Variants in TTC39C observed in about 807,000 individuals in gnomAD.
TTC39C encodes tetratricopeptide repeat protein 39C.
A neutral mutation model predicts 76.3 loss-of-function variants in TTC39C; 33 were observed. The observed-to-expected ratio is 0.43, with a 90% CI of 0.33 to 0.58. The LOEUF (loss-of-function observed/expected upper bound fraction) is 0.58. Ranked by LOEUF, TTC39C falls within the 20% of genes least tolerant of loss-of-function variation. TTC39C has a pLI of 0.04. For missense variants in TTC39C, 595 were observed against 701.4 expected (o/e 0.85, Z 1.71); for synonymous variants, 254 against 260.6 (o/e 0.97, Z 0.24).
intron 1 of TTC39C, among the ~76,000 whole-genome samples, chr18:24,063,445 A>G (rs1475658614): frequency 6.6e-6 from 1 of 151,470 alleles, no homozygotes; most frequent in Non-Finnish European, 1.5e-5. Flanking sequence ...ACTGTAGAAG[A>G]TTATTTTAAA....
chr18:24,038,082 A>G (rs1036036552), intron 1 of TTC39C, among the ~76,000 whole-genome samples: 1 of 151,962 alleles, frequency 6.6e-6, no homozygotes, highest in Non-Finnish European at 1.5e-5. Context: ...ATAATTCAAA[A>G]CCAAATTCTG....
intron 6 of TTC39C, among the ~76,000 whole-genome samples, chr18:24,093,818 A>G (rs1003069249): frequency 1.3e-5 from 2 of 152,170 alleles, no homozygotes; most frequent in African/African-American, 4.8e-5. Flanking sequence ...CAATCATCTG[A>G]GCCTTCAGCA....
intron 2 of TTC39C, among the ~76,000 whole-genome samples, chr18:24,064,963 G>A (rs1194472154): frequency 6.6e-6 from 1 of 152,206 alleles, no homozygotes; most frequent in Non-Finnish European, 1.5e-5. Flanking sequence ...AACGGCTATT[G>A]TTTGAAAGAA....
chr18:24,056,511 T>C (rs1326546445), intron 1 of TTC39C, among the ~76,000 whole-genome samples: 1 of 152,216 alleles, frequency 6.6e-6, no homozygotes, highest in East Asian at 1.9e-4. Context: ...TAGTGATGCC[T>C]GCTTACCTGA....
chr18:24,035,140 A>C (rs1031920936), intron 1 of TTC39C, among the ~76,000 whole-genome samples: 3 of 152,092 alleles, frequency 2.0e-5, no homozygotes, highest in Admixed American at 1.3e-4. Context: ...TTGTTGGCTC[A>C]AGTGATCCTC....
chr18:24,067,345 A>G (rs1269735564), intron 3 of TTC39C, among the ~76,000 whole-genome samples: 1 of 152,162 alleles, frequency 6.6e-6, no homozygotes, highest in Non-Finnish European at 1.5e-5. Context: ...ACACTATCCC[A>G]CTTGTCTAAG....
In TTC39C at chr18:24,133,331, T is replaced by C. The variant is rs1464834860; in HGVS notation, c.*757T>C. 2.0e-5 allele frequency: 3 copies of C among 152,230 alleles called. No individual in the cohort carries two copies. Among genetic ancestry groups the C allele is most frequent in the Admixed American group, 2.0e-4 (3 of 15,278 alleles). 9.4% of individuals were successfully genotyped at this position (152,230 alleles called of 1,614,324 possible). On this transcript the variant is annotated 3_prime_UTR_variant, in exon 14 of 14. Transcript: ENST00000317571. ...TTGTCTACAGAATGTTTCAAAGCGA[T>C]GGACACTCTTTTTCCTTTGAAAGCC...
chr18:24,113,857 G>C, intron 6 of TTC39C: 1 of 598,304 alleles, frequency 1.7e-6, no homozygotes, highest in South Asian at 1.9e-5. Flanking sequence ...AGTTTGCTGG[G>C]TCCCAGACAG....
chr18:24,097,261 A>C (rs962295174), intron 6 of TTC39C, among the ~76,000 whole-genome samples: 4 of 152,332 alleles, frequency 2.6e-5, no homozygotes. Context: ...TCCCAAAAAA[A>C]CTGTTGCCAT....
Position 24,008,316 on chromosome 18 carries a change from T to C in TTC39C, c.-17+15278T>C, listed in dbSNP as rs1189100743. Among the ~76,000 whole-genome samples the C allele has an allele frequency of 2.6e-5, 4 of 152,234 alleles. No homozygotes were observed. The East Asian group carries it at 7.7e-4, about 29-fold the overall frequency. ...ATACTGCTGCTGCTTCCACCCAAAATAGATTCATATACTTTGTTAGATGAA... is the reference window on the plus strand; with the variant it reads ...ATACTGCTGCTGCTTCCACCCAAAACAGATTCATATACTTTGTTAGATGAA... On this transcript the variant is annotated intron_variant, in intron 1 of 13. Coordinates refer to the TTC39C transcript ENST00000304621.
At position 24,046,213 on chromosome 18, in the gene TTC39C, C is replaced by G. The variant is rs550612428; in HGVS notation, c.168-17927C>G. Among the ~76,000 whole-genome samples, 7 of 152,066 alleles carry G rather than the reference C, an allele frequency of 4.6e-5. No individual in the cohort carries two copies. The South Asian group carries it at 1.5e-3, about 32-fold the overall frequency. On this transcript the variant is annotated intron_variant, in intron 1 of 13. Coordinates refer to ENST00000317571, the MANE Select transcript of TTC39C (RefSeq NM_001135993.2). ...TTGGCCTCCCAAAGTGCTGGGATTACAGGCATGAGCCACCGTGCCCAGCCT... is the reference window on the plus strand; with the variant it reads ...TTGGCCTCCCAAAGTGCTGGGATTAGAGGCATGAGCCACCGTGCCCAGCCT...
chr18:24,111,057 C>G (rs983643001), intron 6 of TTC39C, among the ~76,000 whole-genome samples: 9 of 151,254 alleles, frequency 6.0e-5, no homozygotes, highest in Admixed American at 6.6e-5. Flanking sequence ...GTGGCACGAT[C>G]TTGGCTCACT....
rs1309717316 is a variant in TTC39C, at chr18:24,045,917, ATATATATATATTTTTTTT to A, written c.168-18221_168-18204del. ...AATATATATATATATATATATATAT[ATATATATATATTTTTTTT>A]TTTTTTTTTTTTTTTTTTTTTGAGA... On this transcript the variant is annotated intron_variant, in intron 1 of 13. Coordinates refer to ENST00000317571, the MANE Select transcript of TTC39C (RefSeq NM_001135993.2). 1.0e-3 allele frequency among the ~76,000 whole-genome samples: 27 copies of A among 26,786 alleles called. 1 individual carries two copies. The South Asian group carries it at 0.038, about 38-fold the overall frequency. 17.6% of individuals were successfully genotyped at this position (26,786 alleles called of 152,430 possible).
chr18:24,100,024 C>G (rs1385014271), intron 6 of TTC39C, among the ~76,000 whole-genome samples: 1 of 151,862 alleles, frequency 6.6e-6, no homozygotes, highest in Non-Finnish European at 1.5e-5. Context: ...TTTTTTTAAT[C>G]AACTCATTTT....
At chr18:24,034,399 A>G (rs1463756517) in intron 1 of TTC39C, among the ~76,000 whole-genome samples, 1 of 152,238 alleles carries the variant, frequency 6.6e-6, no homozygotes, top group Non-Finnish European at 1.5e-5. Context: ...TGTAAAATAA[A>G]TGTTTTGCTA....
chr18:24,045,269 C>CAGAAAAAA lies in TTC39C; in HGVS notation c.168-18870_168-18869insGAAAAAAA, dbSNP rs1555769828. Among the ~76,000 whole-genome samples the CAGAAAAAA allele has an allele frequency of 8.0e-5, 7 of 87,904 alleles. 1 individual carries two copies. The highest frequency in any genetic ancestry group is 3.0e-4 in the African/African-American group (6 of 20,302). 57.7% of individuals were successfully genotyped at this position (87,904 alleles called of 152,430 possible). ...GGGTGACAGAGTAAGACTCTGTCTC[C>CAGAAAAAA]AAAAAAAAAAAAAAGCATGTAGCGT... is the stretch of plus-strand genomic sequence containing the variant. On this transcript the variant is annotated intron_variant, in intron 1 of 13. Coordinates refer to ENST00000317571, the MANE Select transcript of TTC39C (RefSeq NM_001135993.2).
chr18:24,028,494 C>T (rs544911151), intron 1 of TTC39C, among the ~76,000 whole-genome samples: 87 of 152,218 alleles, frequency 5.7e-4, no homozygotes, highest in African/African-American at 2.0e-3. Flanking sequence ...CTTAAGGAAG[C>T]CTGTGAATAG....
intron 6 of TTC39C, among the ~76,000 whole-genome samples, chr18:24,090,738 G>A (rs2145774797): frequency 6.8e-6 from 1 of 146,616 alleles, no homozygotes; most frequent in Non-Finnish European, 1.5e-5. Context: ...ACGAGCATAA[G>A]AATAGACATA....
intron 1 of TTC39C, among the ~76,000 whole-genome samples, chr18:24,042,428 C>T (rs981585660): frequency 1.3e-5 from 2 of 152,128 alleles, no homozygotes; most frequent in East Asian, 1.9e-4. Context: ...CAGTAGGGTT[C>T]GCGTTCTTAG....
Sources: allele counts gnomAD v4.1 joint callset (sites outside exome capture counted in the v4.1 genomes callset), GRCh38; gene constraint gnomAD v4.1.1; transcripts MANE v1.5; gene names NCBI Gene and HGNC (gene_info 2026-07-23, HGNC 2026-07-21).